The following SNX13 variants were observed in gnomAD, a reference collection of about 807,000 sequenced individuals.
The protein encoded by SNX13 is sorting nexin 13, also known as sorting nexin-13.
Under a neutral mutation model 133.6 loss-of-function variants are expected in SNX13, and 45 were observed. The observed-to-expected ratio is 0.34, with a 90% CI of 0.27 to 0.43. The LOEUF is 0.43. Ranked by LOEUF, SNX13 falls within the 20% of genes least tolerant of loss-of-function variation. The pLI, the probability that SNX13 is intolerant of heterozygous loss-of-function variation, is 1.00. For missense variants in SNX13, 1,032 were observed against 1,145.1 expected (o/e 0.90, Z 1.43); for synonymous variants, 414 against 373.9 (o/e 1.11, Z -1.24).
chr7:17,936,097 T>C (rs1801991072), intron 1 of SNX13, among the ~76,000 whole-genome samples: 1 of 152,202 alleles, frequency 6.6e-6, no homozygotes, highest in African/African-American at 2.4e-5. Context: ...TACAAGAAAG[T>C]GTATTCACCT....
At chr7:17,853,758 A>G (rs1791528220) in intron 9 of SNX13, among the ~76,000 whole-genome samples, 1 of 152,166 alleles carries the variant, frequency 6.6e-6, no homozygotes, top group Non-Finnish European at 1.5e-5. Context: ...CCTGGCCAAA[A>G]TGGTGAAACC....
intron 1 of SNX13, among the ~76,000 whole-genome samples, chr7:17,937,942 C>T (rs546020523): frequency 1.2e-4 from 18 of 152,296 alleles, no homozygotes; most frequent in South Asian, 2.1e-4. Context: ...ACAGGAGAAT[C>T]TTTCATAGCA....
intron 1 of SNX13, among the ~76,000 whole-genome samples, chr7:17,908,305 A>C (rs1798604909): frequency 6.6e-6 from 1 of 152,168 alleles, no homozygotes; most frequent in African/African-American, 2.4e-5. Flanking sequence ...CTGCATGACT[A>C]TATCATTACT....
chr7:17,909,800 A>T (rs576963929), intron 1 of SNX13, among the ~76,000 whole-genome samples: 1 of 152,214 alleles, frequency 6.6e-6, no homozygotes, highest in Non-Finnish European at 1.5e-5. Context: ...TGATCTGTGC[A>T]GCAAACCACC....
At chr7:17,913,760 C>CAAAAAAAAAAAAAAAAAAAAAAAA (rs71010278) in intron 1 of SNX13, among the ~76,000 whole-genome samples, 25 of 54,062 alleles carry the variant, frequency 4.6e-4, no homozygotes, top group East Asian at 7.7e-4. Flanking sequence ...TTAACAAAAA[C>CAAAAAAAAAAAAAAAAAAAAAAAA]AAAAAAAAAA....
At chr7:17,885,549 T>C (rs1393462012) in intron 5 of SNX13, among the ~76,000 whole-genome samples, 1 of 152,198 alleles carries the variant, frequency 6.6e-6, no homozygotes, top group Non-Finnish European at 1.5e-5. Context: ...AACGTTAGGC[T>C]GGGTGTGGTG....
At chr7:17,825,257 A>AACTAG (rs3056689) in intron 17 of SNX13, among the ~76,000 whole-genome samples, 64,636 of 146,320 alleles carry the variant, frequency 0.44, 14,509 homozygotes, top group Middle Eastern at 0.57. Flanking sequence ...AACTAGATTA[A>AACTAG]ACTAGACTAG....
intron 1 of SNX13, among the ~76,000 whole-genome samples, chr7:17,940,053 G>T (rs371969936): frequency 1.3e-5 from 2 of 152,206 alleles, no homozygotes; most frequent in African/African-American, 4.8e-5. Context: ...GGGGCGAGTG[G>T]CAAGTGGCAA....
In SNX13 at chr7:17,875,567, G is replaced by C; in HGVS notation, c.577C>G (p.Leu193Val). Residue 193 changes from leucine to valine, a missense_variant, in exon 7 of 26, where the codon CTT (leucine) becomes GTT (valine). Transcript: ENST00000428135. ...TCAACTTCAAAGAAGGTATCTACAAGATCTTCTGCTGTACCTAAAGAAAAA... is the reference window on the plus strand; with the variant it reads ...TCAACTTCAAAGAAGGTATCTACAACATCTTCTGCTGTACCTAAAGAAAAA... ...DDQVKGTAED[L>V]VDTFFEVEVE... 6.2e-7 allele frequency: 1 copy of C among 1,610,834 alleles called. No individual in the cohort carries two copies. Among genetic ancestry groups the C allele is most frequent in the Non-Finnish European group, 8.5e-7 (1 of 1,179,160 alleles).
chr7:17,888,807 A>C (rs1796294669), intron 5 of SNX13: 1 of 459,010 alleles, frequency 2.2e-6, no homozygotes, highest in African/African-American at 2.0e-5. Flanking sequence ...AACACAGAAC[A>C]GGGCAGTTAT....
intron 1 of SNX13, among the ~76,000 whole-genome samples, chr7:17,909,923 C>T (rs1048474492): frequency 9.2e-5 from 14 of 152,156 alleles, no homozygotes; most frequent in Admixed American, 2.6e-4. Context: ...AAGCCATTTA[C>T]GTTTTCTACA....
chr7:17,883,724 C>G (rs1050879493), intron 5 of SNX13, among the ~76,000 whole-genome samples: 6 of 152,036 alleles, frequency 3.9e-5, no homozygotes, highest in South Asian at 4.2e-4. Context: ...CCCTCACCCC[C>G]CAAGAGGCCC....
intron 17 of SNX13, among the ~76,000 whole-genome samples, chr7:17,824,373 T>C (rs1787637825): frequency 6.6e-6 from 1 of 152,130 alleles, no homozygotes; most frequent in Non-Finnish European, 1.5e-5. Context: ...TCCTACTTTC[T>C]GAAATAAAGA....
At chr7:17,862,504 T>C (rs1166338911) in intron 9 of SNX13, among the ~76,000 whole-genome samples, 5 of 152,300 alleles carry the variant, frequency 3.3e-5, no homozygotes, top group Middle Eastern at 3.4e-3. Flanking sequence ...CCTATGAGAA[T>C]TACAGTCATT....
intron 22 of SNX13, among the ~76,000 whole-genome samples, chr7:17,801,239 G>A (rs1334331375): frequency 1.3e-5 from 2 of 151,378 alleles, no homozygotes; most frequent in African/African-American, 4.8e-5. Context: ...CCACATGGAA[G>A]AACATCACAA....
At chr7:17,804,016 C>T (rs567840356) in intron 20 of SNX13, among the ~76,000 whole-genome samples, 1 of 151,912 alleles carries the variant, frequency 6.6e-6, no homozygotes, top group South Asian at 2.1e-4. Flanking sequence ...GTGATCATGT[C>T]ACTGCACTCC....
intron 18 of SNX13, among the ~76,000 whole-genome samples, chr7:17,819,578 A>T (rs1787053161): frequency 6.6e-6 from 1 of 152,194 alleles, no homozygotes; most frequent in Non-Finnish European, 1.5e-5. Flanking sequence ...AACTTGTTGT[A>T]AAATAATTTT....
chr7:17,874,393 G>A (rs895596370), intron 7 of SNX13, among the ~76,000 whole-genome samples: 1 of 152,222 alleles, frequency 6.6e-6, no homozygotes, highest in Non-Finnish European at 1.5e-5. Context: ...ATGGTTAACA[G>A]TGGGCTGTTA....
At chr7:17,891,934 T>C (rs543979268) in intron 3 of SNX13, among the ~76,000 whole-genome samples, 11 of 152,106 alleles carry the variant, frequency 7.2e-5, no homozygotes, top group Non-Finnish European at 1.3e-4. Flanking sequence ...ACTATAAAAT[T>C]AGTGTTTCAT....
Sources: gnomAD v4.1 joint callset for allele counts (sites outside exome capture counted in the v4.1 genomes callset) on GRCh38, gnomAD v4.1.1 for gene constraint, MANE v1.5 for transcripts, NCBI Gene and HGNC (gene_info 2026-07-23, HGNC 2026-07-21) for gene names.